The following KCMF1 variants were observed in gnomAD, a reference collection of about 807,000 sequenced individuals.
KCMF1 encodes the protein E3 ubiquitin-protein ligase KCMF1.
In KCMF1, 3 loss-of-function variants were observed where a neutral mutation model predicts 41.1. That is an observed-to-expected ratio of 0.07 (90% CI 0.03 to 0.19). KCMF1 has a LOEUF of 0.19. Among genes scored for constraint, KCMF1 ranks in the 10% least tolerant of loss-of-function variants. The pLI, the probability that KCMF1 is intolerant of heterozygous loss-of-function variation, is 1.00. For missense variants in KCMF1, 286 were observed against 488.9 expected (o/e 0.58, Z 3.91); for synonymous variants, 142 against 164.5 (o/e 0.86, Z 1.04).
At chr2:85,025,466 G>C (rs1471726891) in intron 1 of KCMF1, among the ~76,000 whole-genome samples, 1 of 152,082 alleles carries the variant, frequency 6.6e-6, no homozygotes, top group African/African-American at 2.4e-5. Flanking sequence ...TCCATCTCCA[G>C]AATTCTTCCA....
At chr2:84,979,362 A>C (rs1481809790) in intron 1 of KCMF1, among the ~76,000 whole-genome samples, 1 of 152,026 alleles carries the variant, frequency 6.6e-6, no homozygotes, top group Non-Finnish European at 1.5e-5. Context: ...ATCTGTACTA[A>C]AAATACAAAA....
chr2:85,005,108 C>T (rs928523268), intron 1 of KCMF1, among the ~76,000 whole-genome samples: 3 of 151,718 alleles, frequency 2.0e-5, no homozygotes, highest in Admixed American at 1.3e-4. Context: ...GGTTTCACCA[C>T]GTTGGCCAGG....
At chr2:84,993,692 C>T (rs1171053623) in intron 1 of KCMF1, among the ~76,000 whole-genome samples, 12 of 151,806 alleles carry the variant, frequency 7.9e-5, no homozygotes. Context: ...TCTGCTGCCT[C>T]AGCCTCCCGA....
intron 1 of KCMF1, among the ~76,000 whole-genome samples, chr2:84,986,717 G>GAA (rs80299863): frequency 0.011 from 1,430 of 133,212 alleles, 17 homozygotes; most frequent in African/African-American, 0.037. Flanking sequence ...CTGTACTTAA[G>GAA]AAAAAAAAAA....
chr2:85,006,116 G>A (rs1674463922), intron 1 of KCMF1, among the ~76,000 whole-genome samples: 1 of 150,804 alleles, frequency 6.6e-6, no homozygotes, highest in African/African-American at 2.4e-5. Context: ...TGTTATATTT[G>A]TTACCGATAT....
intron 3 of KCMF1, among the ~76,000 whole-genome samples, chr2:85,037,892 C>A (rs888684907): frequency 6.6e-6 from 1 of 152,190 alleles, no homozygotes; most frequent in African/African-American, 2.4e-5. Context: ...AACTCCACTC[C>A]CTGTCAGATC....
At chr2:85,029,453 G>A (rs1675207963) in intron 2 of KCMF1, among the ~76,000 whole-genome samples, 1 of 151,760 alleles carries the variant, frequency 6.6e-6, no homozygotes, top group Non-Finnish European at 1.5e-5. Context: ...AAATTAGCTG[G>A]ATGTGGTGGC....
chr2:85,007,260 G>T (rs1255327023), intron 1 of KCMF1, among the ~76,000 whole-genome samples: 1 of 152,138 alleles, frequency 6.6e-6, no homozygotes, highest in African/African-American at 2.4e-5. Context: ...TATGAAACAT[G>T]GAATAGCAAG....
intron 2 of KCMF1, among the ~76,000 whole-genome samples, chr2:85,032,501 T>G (rs1254093547): frequency 6.6e-6 from 1 of 152,010 alleles, no homozygotes; most frequent in Non-Finnish European, 1.5e-5. Context: ...CTCAGCCTCC[T>G]GAGTAGCTGA....
intron 1 of KCMF1, among the ~76,000 whole-genome samples, chr2:84,993,155 C>T (rs1674086733): frequency 6.6e-6 from 1 of 151,068 alleles, no homozygotes; most frequent in African/African-American, 2.4e-5. Flanking sequence ...CCACTGCACT[C>T]CAGCCCAGGC....
intron 6 of KCMF1, among the ~76,000 whole-genome samples, chr2:85,052,715 T>C (rs188576543): frequency 6.6e-6 from 1 of 152,328 alleles, no homozygotes; most frequent in African/African-American, 2.4e-5. Flanking sequence ...AGAGGAAATC[T>C]TAGGATATTT....
chr2:84,998,063 G>A (rs893498083), intron 1 of KCMF1, among the ~76,000 whole-genome samples: 28 of 150,598 alleles, frequency 1.9e-4, no homozygotes, highest in African/African-American at 6.1e-4. Context: ...ATAAGCCCCC[G>A]TGCCCAGCCA....
chr2:85,006,295 CTTTTTTTTTT>C lies in KCMF1; in HGVS notation c.17-21580_17-21571del, dbSNP rs1163405427. Among the ~76,000 whole-genome samples, 384 of 94,220 alleles carry C rather than the reference CTTTTTTTTTT, an allele frequency of 4.1e-3. 3 individuals carry two copies. The Middle Eastern group carries it at 0.068, about 17-fold the overall frequency. 61.8% of individuals were successfully genotyped at this position (94,220 alleles called of 152,430 possible). On this transcript the variant is annotated intron_variant, in intron 1 of 6. Coordinates refer to ENST00000409785, the MANE Select transcript of KCMF1 (RefSeq NM_020122.5). ...CTTACCCACTAAATATTCTCATTTT[CTTTTTTTTTT>C]TTTTTTTTTTTTTGAGATGGAGTCT...
intron 1 of KCMF1, among the ~76,000 whole-genome samples, chr2:84,984,865 A>G (rs1464187075): frequency 6.6e-6 from 1 of 152,028 alleles, no homozygotes; most frequent in African/African-American, 2.4e-5. Context: ...TTATTTATTT[A>G]TTTTGTGAAG....
rs566067502 is a variant in KCMF1, at chr2:84,992,172, C to T, written c.16+20705C>T. On this transcript the variant is annotated intron_variant, in intron 1 of 6. Coordinates refer to ENST00000409785, the MANE Select transcript of KCMF1 (RefSeq NM_020122.5). ...ATGAAATAGGCTTAATGTTTAGTAA[C>T]CTCAGAGAATGGTTGTTATTAGATG... 3.3e-5 allele frequency among the ~76,000 whole-genome samples: 5 copies of T among 152,290 alleles called. No homozygotes were observed. The East Asian group carries it at 9.6e-4, about 29-fold the overall frequency.
chr2:84,971,644 G>A (rs556275680), intron 1 of KCMF1, among the ~76,000 whole-genome samples, 177 bp downstream of exon 1: 3 of 150,816 alleles, frequency 2.0e-5, no homozygotes, highest in East Asian at 2.0e-4. Context: ...CGCCGCTGCC[G>A]CCACGGCCGC....
At position 85,043,593 on chromosome 2, in the gene KCMF1, A is replaced by G; in HGVS notation, c.354A>G (p.Gly118=). 1 of 1,612,676 alleles carries G rather than the reference A, an allele frequency of 6.2e-7. No individual in the cohort carries two copies. ...GTCCAATATGTGCAGCGTTACCTGGAGGCGATCCTAATCATGTCACGGATG... is the reference window on the plus strand; with the variant it reads ...GTCCAATATGTGCAGCGTTACCTGGGGGCGATCCTAATCATGTCACGGATG... The part of the protein sequence containing the change: ...VICPICAALP[G]GDPNHVTDDF... Residue 118 remains glycine, a synonymous_variant, in exon 4 of 7, where the codon GGA becomes GGG. Transcript: ENST00000409785.
At chr2:84,990,946 T>G (rs1465700628) in intron 1 of KCMF1, among the ~76,000 whole-genome samples, 1 of 151,964 alleles carries the variant, frequency 6.6e-6, no homozygotes, top group Non-Finnish European at 1.5e-5. Flanking sequence ...CAGTGGATGG[T>G]TTTGAGCAAG....
intron 1 of KCMF1, among the ~76,000 whole-genome samples, chr2:85,016,476 C>G (rs1674772872): frequency 1.3e-5 from 2 of 151,570 alleles, no homozygotes; most frequent in Admixed American, 6.6e-5. Context: ...TTTATTTTGG[C>G]AAGGGATGAT....
Sources: gnomAD v4.1 joint callset for allele counts (sites outside exome capture counted in the v4.1 genomes callset) on GRCh38, gnomAD v4.1.1 for gene constraint, MANE v1.5 for transcripts, NCBI Gene and HGNC (gene_info 2026-07-23, HGNC 2026-07-21) for gene names.